ZBTB7C: variants seen among roughly 807,000 people sequenced by gnomAD.
ZBTB7C encodes the protein zinc finger and BTB domain-containing protein 7C.
Under a neutral mutation model 25.7 loss-of-function variants are expected in ZBTB7C, and 8 were observed. That is an observed-to-expected ratio of 0.31 (90% CI 0.18 to 0.56). ZBTB7C has a LOEUF of 0.56. ZBTB7C is among the 20% of genes least tolerant of loss of function. The pLI, the probability that ZBTB7C is intolerant of heterozygous loss-of-function variation, is 0.91. For missense variants in ZBTB7C, 824 were observed against 855.2 expected (o/e 0.96, Z 0.46); for synonymous variants, 394 against 369.0 (o/e 1.07, Z -0.78).
chr18:48,365,733 A>G (rs1240704472), intron 1 of ZBTB7C, among the ~76,000 whole-genome samples: 1 of 152,208 alleles, frequency 6.6e-6, no homozygotes, highest in Non-Finnish European at 1.5e-5. Flanking sequence ...TAACAAATGT[A>G]TTAGTTCAAG....
At chr18:48,186,189 C>A (rs1265005523) in intron 2 of ZBTB7C, among the ~76,000 whole-genome samples, 194 bp from the exon 3 acceptor site, 3 of 152,118 alleles carry the variant, frequency 2.0e-5, no homozygotes, top group African/African-American at 7.2e-5. Context: ...CCCCTCCAGG[C>A]CCGTGGGCTC....
chr18:48,259,104 C>G (rs1484475667), intron 2 of ZBTB7C, among the ~76,000 whole-genome samples: 1 of 152,140 alleles, frequency 6.6e-6, no homozygotes, highest in Non-Finnish European at 1.5e-5. Context: ...CTCATGCCAC[C>G]ACACCCGGCT....
intron 3 of ZBTB7C, among the ~76,000 whole-genome samples, chr18:48,079,522 C>T (rs929076497): frequency 2.6e-5 from 4 of 152,146 alleles, no homozygotes; most frequent in African/African-American, 4.8e-5. Flanking sequence ...GCAGTGGGAT[C>T]GTGGGGTACT....
At position 48,040,706 on chromosome 18, in the gene ZBTB7C, C is replaced by T; in HGVS notation, c.402G>A (p.Gly134=). Reference sequence around the variant, plus strand: ...CATCGTCCTCCTTGTCATCCTCCTCCCCCCCGTCCCCCCCAGGCTCCATGA... The same window carrying T: ...CATCGTCCTCCTTGTCATCCTCCTCTCCCCCGTCCCCCCCAGGCTCCATGA... The part of the protein sequence containing the change: ...LEIMEPGGDG[G]EEDDKEDDDD... Residue 134 remains glycine, a synonymous_variant, in exon 4 of 5, where the codon GGG becomes GGA. Coordinates refer to ENST00000590800, the MANE Select transcript of ZBTB7C (RefSeq NM_001318841.2). The T allele has an allele frequency of 6.2e-7, 1 of 1,613,818 alleles. No homozygotes were observed. The highest frequency in any genetic ancestry group is 8.5e-7 in the Non-Finnish European group (1 of 1,179,856).
intron 1 of ZBTB7C, among the ~76,000 whole-genome samples, chr18:48,369,422 T>TA (rs2047334697): frequency 6.6e-6 from 1 of 152,066 alleles, no homozygotes; most frequent in African/African-American, 2.4e-5. Flanking sequence ...ATTGCATACT[T>TA]AAGCCCTAAC....
chr18:48,361,547 T>A (rs2047105913), intron 1 of ZBTB7C, among the ~76,000 whole-genome samples: 2 of 152,196 alleles, frequency 1.3e-5, no homozygotes, highest in South Asian at 4.1e-4. Flanking sequence ...TAAACATGCT[T>A]CCTAAATGTC....
intron 3 of ZBTB7C, among the ~76,000 whole-genome samples, chr18:48,124,767 G>A (rs2039745836): frequency 6.6e-6 from 1 of 152,238 alleles, no homozygotes; most frequent in African/African-American, 2.4e-5. Context: ...GCAGGGGTGG[G>A]TGAGAAAGCA....
At chr18:48,370,258 T>C (rs1332843673) in intron 1 of ZBTB7C, among the ~76,000 whole-genome samples, 1 of 152,144 alleles carries the variant, frequency 6.6e-6, no homozygotes, top group African/African-American at 2.4e-5. Flanking sequence ...AAACTATTGA[T>C]ACATGCATCA....
intron 3 of ZBTB7C, among the ~76,000 whole-genome samples, chr18:48,075,334 T>C (rs1304448121): frequency 6.6e-6 from 1 of 152,230 alleles, no homozygotes; most frequent in African/African-American, 2.4e-5. Context: ...GCTGCAGATC[T>C]GCTCATTCTT....
At chr18:48,328,911 TC>T (rs1317213025) in intron 2 of ZBTB7C, among the ~76,000 whole-genome samples, 1 of 152,200 alleles carries the variant, frequency 6.6e-6, no homozygotes, top group Non-Finnish European at 1.5e-5. Context: ...GATGGAAGAT[TC>T]CAGACAAGTG....
At chr18:48,298,352 C>A (rs2045455137) in intron 2 of ZBTB7C, among the ~76,000 whole-genome samples, 1 of 151,654 alleles carries the variant, frequency 6.6e-6, no homozygotes, top group Non-Finnish European at 1.5e-5. Flanking sequence ...TGCCCCCTGT[C>A]CTTCCCTTTG....
chr18:48,054,946 A>G (rs1424623069), intron 3 of ZBTB7C, among the ~76,000 whole-genome samples: 2 of 152,128 alleles, frequency 1.3e-5, no homozygotes, highest in East Asian at 3.9e-4. Flanking sequence ...GACTCGTGGA[A>G]TATCAGTCAA....
chr18:48,139,475 C>T (rs948789526), intron 3 of ZBTB7C, among the ~76,000 whole-genome samples: 1 of 152,120 alleles, frequency 6.6e-6, no homozygotes, highest in East Asian at 1.9e-4. Context: ...GCCAGGGTTC[C>T]AGTCCCCGGA....
intron 2 of ZBTB7C, among the ~76,000 whole-genome samples, chr18:48,316,477 G>A (rs1218326999): frequency 6.6e-6 from 1 of 152,262 alleles, no homozygotes; most frequent in Non-Finnish European, 1.5e-5. Context: ...ACGTTGAAAT[G>A]TGACCCCCAG....
At chr18:48,314,319 G>A (rs1373358575) in intron 2 of ZBTB7C, among the ~76,000 whole-genome samples, 1 of 152,092 alleles carries the variant, frequency 6.6e-6, no homozygotes, top group Non-Finnish European at 1.5e-5. Context: ...TCTAAATCCT[G>A]GGGAACATGG....
At chr18:48,068,138 C>CTG (rs2037400084) in intron 3 of ZBTB7C, among the ~76,000 whole-genome samples, 2 of 124,978 alleles carry the variant, frequency 1.6e-5, no homozygotes, top group East Asian at 4.5e-4. Context: ...CCTTGTAAGT[C>CTG]TTTTTTTTTT....
At chr18:48,245,150 G>C (rs1296655243) in intron 2 of ZBTB7C, among the ~76,000 whole-genome samples, 1 of 142,900 alleles carries the variant, frequency 7.0e-6, no homozygotes, top group Admixed American at 7.1e-5. Flanking sequence ...GCCAAAAAAA[G>C]GAATTCAATA....
At chr18:48,285,811 T>A (rs886644446) in intron 2 of ZBTB7C, among the ~76,000 whole-genome samples, 2 of 152,250 alleles carry the variant, frequency 1.3e-5, no homozygotes, top group African/African-American at 4.8e-5. Flanking sequence ...GGTTCCATTT[T>A]TTCAAGGGCA....
chr18:48,031,181 T>C (rs1278592095), intron 4 of ZBTB7C, among the ~76,000 whole-genome samples: 1 of 152,190 alleles, frequency 6.6e-6, no homozygotes, highest in Non-Finnish European at 1.5e-5. Context: ...TGGTGTCTCC[T>C]GGCCACTAGA....
Sources: gnomAD v4.1 joint callset for allele counts (sites outside exome capture counted in the v4.1 genomes callset) on GRCh38, gnomAD v4.1.1 for gene constraint, MANE v1.5 for transcripts, NCBI Gene and HGNC (gene_info 2026-07-23, HGNC 2026-07-21) for gene names.